FRYL: variants seen among roughly 807,000 people sequenced by gnomAD.
The protein encoded by FRYL is FRY like transcription coactivator, also known as protein furry homolog-like.
Under a neutral mutation model 351.2 loss-of-function variants are expected in FRYL, and 150 were observed. The observed-to-expected ratio is 0.43, with a 90% CI of 0.37 to 0.49. FRYL has a LOEUF of 0.49. FRYL is among the 20% of genes least tolerant of loss of function. FRYL has a pLI of 0.00. For missense variants in FRYL, 3,036 were observed against 3,619.3 expected (o/e 0.84, Z 4.13); for synonymous variants, 1,153 against 1,257.1 (o/e 0.92, Z 1.75).
chr4:48,732,833 G>A (rs1185875941), intron 1 of FRYL, among the ~76,000 whole-genome samples: 1 of 151,696 alleles, frequency 6.6e-6, no homozygotes, highest in East Asian at 1.9e-4. Context: ...TAGGTGACGG[G>A]TTGATGTGTG....
intron 59 of FRYL, among the ~76,000 whole-genome samples, chr4:48,508,807 C>T (rs1261039041): frequency 2.6e-5 from 4 of 152,122 alleles, no homozygotes; most frequent in Admixed American, 6.6e-5. Context: ...GTTTGCACTC[C>T]GACCAGTATG....
At chr4:48,593,821 T>A (rs79111638) in intron 16 of FRYL, 109 bp downstream of exon 16, 291 of 507,472 alleles carry the variant, frequency 5.7e-4, no homozygotes, top group African/African-American at 5.6e-3. Flanking sequence ...GGATCACAGC[T>A]ACTATTAGAA....
Position 48,563,831 on chromosome 4 carries a change from C to T in FRYL, c.3596+117G>A, listed in dbSNP as rs560835452. 16 of 1,075,526 alleles carry T rather than the reference C, an allele frequency of 1.5e-5. No homozygotes were observed. The East Asian group carries it at 1.5e-4, about 10-fold the overall frequency. 66.6% of individuals were successfully genotyped at this position (1,075,526 alleles called of 1,614,324 possible). A position where few individuals can be genotyped will look rare whatever the true frequency, so the allele number is the denominator to read the frequency against. On this transcript the variant is annotated intron_variant, in intron 31 of 63. Coordinates refer to ENST00000358350, the MANE Select transcript of FRYL (RefSeq NM_015030.2). Reference sequence around the variant, plus strand: ...ATCTGAGAGGGGTCCTGGAACCAATCCCCCACAGATACTGAAGGACAACTA... The same window carrying T: ...ATCTGAGAGGGGTCCTGGAACCAATTCCCCACAGATACTGAAGGACAACTA...
At chr4:48,592,114 A>ATTTT (rs1553942042) in intron 16 of FRYL, among the ~76,000 whole-genome samples, 14 of 136,954 alleles carry the variant, frequency 1.0e-4, no homozygotes, top group African/African-American at 3.2e-4. Flanking sequence ...ATATATATAT[A>ATTTT]TTTTATCTAA....
At position 48,543,867 on chromosome 4, in the gene FRYL, T is replaced by G; in HGVS notation, c.5532A>C (p.Thr1844=). 6.2e-7 allele frequency: 1 copy of G among 1,613,792 alleles called. No individual in the cohort carries two copies. Among genetic ancestry groups the G allele is most frequent in the South Asian group, 1.1e-5 (1 of 91,078 alleles). Residue 1844 remains threonine (T), a synonymous_variant, in exon 44 of 64, where the codon ACA becomes ACC. Coordinates refer to ENST00000358350, the MANE Select transcript of FRYL (RefSeq NM_015030.2). ...RALKQPLTAT[T]LSDVLSRLVE... The stretch of plus-strand genomic sequence containing the variant: ...CAAGTCTGGAGAGAACATCAGAAAG[T>G]GTAGTTGCAGTGAGAGGCTGCTTTA...
intron 49 of FRYL, 95 bp downstream of exon 49, chr4:48,534,450 C>T: frequency 3.2e-6 from 3 of 933,086 alleles, no homozygotes; most frequent in South Asian, 1.5e-5. Flanking sequence ...TGAACCACTT[C>T]CCCATTCTTC....
chr4:48,583,801 A>C (rs1191129173), intron 19 of FRYL, among the ~76,000 whole-genome samples: 1 of 151,890 alleles, frequency 6.6e-6, no homozygotes, highest in Admixed American at 6.6e-5. Context: ...GCTACTCAGG[A>C]GGCCGAGGCA....
chr4:48,598,741 G>T, intron 13 of FRYL: 1 of 398,904 alleles, frequency 2.5e-6, no homozygotes, highest in Non-Finnish European at 3.4e-6. Context: ...CATTAGACAT[G>T]CAATGCAACA....
intron 13 of FRYL, among the ~76,000 whole-genome samples, chr4:48,598,621 A>G (rs1745084006): frequency 6.6e-6 from 1 of 152,154 alleles, no homozygotes; most frequent in South Asian, 2.1e-4. Context: ...TGTCAGTTCT[A>G]TTTCTTAAAT....
At chr4:48,769,153 C>T (rs1165478848) in intron 1 of FRYL, among the ~76,000 whole-genome samples, 4 of 151,888 alleles carry the variant, frequency 2.6e-5, no homozygotes, top group South Asian at 2.1e-4. Context: ...AAATAACAGA[C>T]GGACTATACG....
chr4:48,565,458 C>T, intron 29 of FRYL, 73 bp downstream of exon 29: 2 of 1,146,556 alleles, frequency 1.7e-6, no homozygotes, highest in Admixed American at 5.5e-5. Flanking sequence ...CTTTTTAATA[C>T]TAGTGACTGA....
chr4:48,606,432 T>A lies in FRYL; in HGVS notation c.741+6A>T. ...TCTATTTACTGTCATTTAGAAGGTA[T>A]ATCACCTGCATAAATTGAAATGATG... On this transcript the variant is annotated splice_donor_region_variant and intron_variant, in intron 10 of 63. Transcript: ENST00000358350. 1.9e-6 allele frequency: 3 copies of A among 1,598,132 alleles called. No homozygotes were observed. In the South Asian group the frequency reaches 3.3e-5, roughly 18 times the overall value.
At chr4:48,565,826 G>A (rs376476620) in intron 28 of FRYL, 135 bp from the exon 29 acceptor site, 78 of 815,034 alleles carry the variant, frequency 9.6e-5, no homozygotes, top group East Asian at 9.2e-4. Flanking sequence ...AAAAACCTCC[G>A]CGGTAGCAGG....
intron 24 of FRYL, 135 bp downstream of exon 24, chr4:48,575,890 TTGAGG>T (rs1739496386): frequency 1.6e-6 from 1 of 623,122 alleles, no homozygotes; most frequent in Non-Finnish European, 2.7e-6. Flanking sequence ...ATGGGCTTTC[TTGAGG>T]TATTTTCCTT....
Position 48,540,681 on chromosome 4 carries a change from G to T in FRYL, c.5967C>A (p.Asp1989Glu). Residue 1989 changes from aspartate (D) to glutamate (E), a missense_variant, in exon 46 of 64, where the codon GAC becomes GAA. Asp to Glu is a conservative substitution (Grantham distance 45, BLOSUM62 2). Around this residue, in one of 7 missense-constraint regions of FRYL, gnomAD observed 1,987 missense variants for 2,311.7 expected, o/e 0.86. Transcript: ENST00000358350. ...TGGTAGGCTCAGTAGTGGACTGCACGTCATACATTCCTTTCTCTCTTAGAG... is the reference window on the plus strand; with the variant it reads ...TGGTAGGCTCAGTAGTGGACTGCACTTCATACATTCCTTTCTCTCTTAGAG... ...LSSLREKGMY[D>E]VQSTTEPTNL... is the part of the protein sequence containing the mutation. The T allele has an allele frequency of 6.2e-7, 1 of 1,613,892 alleles. No individual in the cohort carries two copies. Among genetic ancestry groups the T allele is most frequent in the South Asian group, 1.1e-5 (1 of 91,072 alleles).
chr4:48,695,679 T>C (rs1416637977), intron 2 of FRYL, among the ~76,000 whole-genome samples: 2 of 152,006 alleles, frequency 1.3e-5, no homozygotes, highest in East Asian at 1.9e-4. Context: ...AATTGACAAA[T>C]GGGATCTAAT....
chr4:48,515,345 G>C lies in FRYL; in HGVS notation c.7690-70C>G. On this transcript the variant is annotated intron_variant, in intron 55 of 63. Transcript: ENST00000358350. ...AAGAATTTTACAACACAATAAATAA[G>C]TATTGCCATCCATCTAAGTCTGTTT... 5 of 1,110,764 alleles carry C rather than the reference G, an allele frequency of 4.5e-6. No homozygotes were observed. The South Asian group carries it at 6.4e-5, about 14-fold the overall frequency. 68.8% of individuals were successfully genotyped at this position (1,110,764 alleles called of 1,614,324 possible).
chr4:48,691,419 G>C (rs1307728908), intron 2 of FRYL, among the ~76,000 whole-genome samples: 2 of 151,784 alleles, frequency 1.3e-5, no homozygotes, highest in African/African-American at 4.8e-5. Flanking sequence ...TGACTACTTT[G>C]CGATAATATT....
intron 9 of FRYL, among the ~76,000 whole-genome samples, chr4:48,608,074 C>T (rs1232878800): frequency 6.6e-6 from 1 of 152,064 alleles, no homozygotes; most frequent in African/African-American, 2.4e-5. Flanking sequence ...ATTTAAAATA[C>T]TCAAACCATA....
Sources: allele counts gnomAD v4.1 joint callset (sites outside exome capture counted in the v4.1 genomes callset), GRCh38; gene constraint gnomAD v4.1.1; regional missense constraint gnomAD v4.1.1; transcripts MANE v1.5; gene names NCBI Gene and HGNC (gene_info 2026-07-23, HGNC 2026-07-21).